ITGB6: variants seen among roughly 807,000 people sequenced by gnomAD.
The protein encoded by ITGB6 is integrin beta-6.
A neutral mutation model predicts 84.5 loss-of-function variants in ITGB6; 80 were observed. The ratio of observed to expected loss-of-function variants is 0.95; its 90% CI spans 0.79 to 1.14. ITGB6 has a LOEUF of 1.14. Ranked by LOEUF, ITGB6 falls within the 50% of genes most tolerant of loss-of-function variation. ITGB6 has a pLI of 0.00. For missense variants in ITGB6, 1,006 were observed against 968.0 expected (o/e 1.04, Z -0.52); for synonymous variants, 383 against 354.9 (o/e 1.08, Z -0.89).
At chr2:160,118,154 A>T (rs1280905704) in intron 12 of ITGB6, among the ~76,000 whole-genome samples, 3 of 152,218 alleles carry the variant, frequency 2.0e-5, no homozygotes, top group South Asian at 4.1e-4. Flanking sequence ...ATCCTCCCTA[A>T]CTCATTTTAT....
At chr2:160,140,009 C>T (rs1683935024) in intron 8 of ITGB6, among the ~76,000 whole-genome samples, 1 of 152,168 alleles carries the variant, frequency 6.6e-6, no homozygotes, top group South Asian at 2.1e-4. Context: ...AATTGTCTAC[C>T]TCTGCCCTAC....
At chr2:160,174,624 A>G (rs995540745) in intron 4 of ITGB6, among the ~76,000 whole-genome samples, 1 of 152,180 alleles carries the variant, frequency 6.6e-6, no homozygotes. Flanking sequence ...CAACAATTGT[A>G]GCAGCATTCT....
intron 12 of ITGB6, among the ~76,000 whole-genome samples, chr2:160,122,395 C>G (rs1231607645): frequency 3.3e-5 from 5 of 151,908 alleles, no homozygotes; most frequent in Non-Finnish European, 5.9e-5. Flanking sequence ...TTTTTTTCCT[C>G]AACACATTAG....
chr2:160,157,132 G>A (rs879697181), intron 7 of ITGB6, among the ~76,000 whole-genome samples: 45 of 152,022 alleles, frequency 3.0e-4, no homozygotes, highest in Non-Finnish European at 5.0e-4. Context: ...CTCAAGTGGC[G>A]GTGTCTCTGT....
chr2:160,102,236 C>T (rs1696749592), intron 14 of ITGB6, among the ~76,000 whole-genome samples: 1 of 152,086 alleles, frequency 6.6e-6, no homozygotes, highest in African/African-American at 2.4e-5. Context: ...AAGTAAAAAA[C>T]AGGAAAAGTG....
chr2:160,155,383 G>C (rs1050989108), intron 7 of ITGB6, among the ~76,000 whole-genome samples: 72 of 152,130 alleles, frequency 4.7e-4, no homozygotes, highest in African/African-American at 1.7e-3. Context: ...TACAAAGGTG[G>C]ATACATAATA....
At chr2:160,110,665 C>A (rs924516157) in intron 13 of ITGB6, among the ~76,000 whole-genome samples, 1 of 152,210 alleles carries the variant, frequency 6.6e-6, no homozygotes, top group African/African-American at 2.4e-5. Context: ...GGTGGCGACC[C>A]TTCACTCAGT....
intron 10 of ITGB6, among the ~76,000 whole-genome samples, chr2:160,134,459 C>G (rs947660463): frequency 6.6e-6 from 1 of 152,178 alleles, no homozygotes; most frequent in Non-Finnish European, 1.5e-5. Flanking sequence ...GATTCACAGC[C>G]AAATTCTACC....
Position 160,101,589 on chromosome 2 carries a change from C to T in ITGB6, c.*147G>A. ...TATTTTGAAACTGCCAACAGTCTGT[C>T]ACCTTCATGTAGAGGATGACTTATC... On this transcript the variant is annotated 3_prime_UTR_variant, in exon 15 of 15. Transcript: ENST00000283249. 1.6e-6 allele frequency: 1 copy of T among 644,900 alleles called. No homozygotes were observed. The highest frequency in any genetic ancestry group is 2.8e-6 in the Non-Finnish European group (1 of 362,230). 39.9% of individuals were successfully genotyped at this position (644,900 alleles called of 1,614,324 possible).
Position 160,101,756 on chromosome 2 carries a change from C to A in ITGB6, c.2347G>T (p.Asp783Tyr). 6.3e-7 allele frequency: 1 copy of A among 1,582,638 alleles called. No homozygotes were observed. The highest frequency in any genetic ancestry group is 8.7e-7 in the Non-Finnish European group (1 of 1,151,834). ...TYKHREKQKV[D>Y]LSTDC ...TAGTTCTAGCAATCTGTGGAAAGGT[C>A]TACCTTTTGTTTTTCCCTGTGTTTA... is the stretch of plus-strand genomic sequence containing the variant. Residue 783 changes from aspartate (D) to tyrosine (Y), a missense_variant, in exon 15 of 15, where the codon GAC becomes TAC. Coordinates refer to ENST00000283249, the MANE Select transcript of ITGB6 (RefSeq NM_000888.5).
chr2:160,147,197 G>A (rs1684230798), intron 7 of ITGB6, among the ~76,000 whole-genome samples: 1 of 151,808 alleles, frequency 6.6e-6, no homozygotes, highest in African/African-American at 2.4e-5. Context: ...AGAAAAGAAA[G>A]AGAATATAAC....
At chr2:160,180,159 C>T (rs368293056) in intron 4 of ITGB6, among the ~76,000 whole-genome samples, 30 of 151,256 alleles carry the variant, frequency 2.0e-4, no homozygotes, top group African/African-American at 6.1e-4. Context: ...CAGAATGTTG[C>T]TGTATCTTAG....
intron 11 of ITGB6, among the ~76,000 whole-genome samples, chr2:160,125,196 C>T (rs1230092726): frequency 6.6e-6 from 1 of 152,178 alleles, no homozygotes; most frequent in Non-Finnish European, 1.5e-5. Context: ...CATTGCTTTG[C>T]CCATGGCATA....
At chr2:160,160,848 G>T (rs2105851862) in intron 7 of ITGB6, among the ~76,000 whole-genome samples, 1 of 152,230 alleles carries the variant, frequency 6.6e-6, no homozygotes, top group East Asian at 1.9e-4. Context: ...GGCTTTAGGG[G>T]ATACATGGGT....
chr2:160,181,315 G>A (rs1276120026), intron 4 of ITGB6, among the ~76,000 whole-genome samples: 2 of 152,198 alleles, frequency 1.3e-5, no homozygotes, highest in Non-Finnish European at 2.9e-5. Flanking sequence ...AGGGGCATCT[G>A]CCATTACTGA....
In ITGB6 at chr2:160,173,981, A is replaced by G; in HGVS notation, c.752T>C (p.Val251Ala). ...GGFDAIMQAA[V>A]CKEKIGWRND... ...GCACTCCCTTCAGCATACCTTACAC[A>G]CAGCAGCTTGCATAATTGCATCAAA... is the stretch of plus-strand genomic sequence containing the variant. Residue 251 changes from valine to alanine, a missense_variant, in exon 5 of 15, where the codon GTG becomes GCG. Coordinates refer to ENST00000283249, the MANE Select transcript of ITGB6 (RefSeq NM_000888.5). 9 of 1,613,336 alleles carry G rather than the reference A, an allele frequency of 5.6e-6. No individual in the cohort carries two copies. The highest frequency in any genetic ancestry group is 7.6e-6 in the Non-Finnish European group (9 of 1,179,840).
chr2:160,197,218 C>T (rs550274885), intron 2 of ITGB6, among the ~76,000 whole-genome samples: 3 of 152,198 alleles, frequency 2.0e-5, no homozygotes, highest in African/African-American at 7.2e-5. Flanking sequence ...ACGGTGTGAA[C>T]CCGGGAGGCA....
intron 4 of ITGB6, among the ~76,000 whole-genome samples, chr2:160,177,226 T>G (rs999044238): frequency 6.6e-6 from 1 of 152,216 alleles, no homozygotes; most frequent in Non-Finnish European, 1.5e-5. Flanking sequence ...CTTTTGTTAA[T>G]TGCTAGCTGA....
At chr2:160,190,086 C>G (rs1449958875) in intron 4 of ITGB6, among the ~76,000 whole-genome samples, 11 of 151,844 alleles carry the variant, frequency 7.2e-5, no homozygotes, top group Non-Finnish European at 1.3e-4. Context: ...CCATCATTCT[C>G]AGCAAACTAT....
Sources: allele counts gnomAD v4.1 joint callset (sites outside exome capture counted in the v4.1 genomes callset), GRCh38; gene constraint gnomAD v4.1.1; transcripts MANE v1.5; gene names NCBI Gene and HGNC (gene_info 2026-07-23, HGNC 2026-07-21).